Variants in PPP1R9A observed in about 807,000 individuals in gnomAD.
The protein encoded by PPP1R9A is neurabin-1.
A neutral mutation model predicts 141.9 loss-of-function variants in PPP1R9A; 59 were observed. The ratio of observed to expected loss-of-function variants is 0.42; its 90% CI spans 0.34 to 0.52. PPP1R9A has a LOEUF of 0.52. PPP1R9A is among the 20% of genes least tolerant of loss of function. The pLI is 0.10. For missense variants in PPP1R9A, 1,444 were observed against 1,611.9 expected (o/e 0.90, Z 1.78); for synonymous variants, 500 against 569.7 (o/e 0.88, Z 1.74).
intron 2 of PPP1R9A, among the ~76,000 whole-genome samples, chr7:95,070,914 A>G (rs974547063): frequency 4.7e-4 from 71 of 151,988 alleles, no homozygotes; most frequent in Non-Finnish European, 7.7e-4. Flanking sequence ...TTGAACACCA[A>G]GAGAGGCAGG....
intron 12 of PPP1R9A, among the ~76,000 whole-genome samples, chr7:95,268,070 A>G (rs1323561742): frequency 6.6e-6 from 1 of 152,128 alleles, no homozygotes. Context: ...ATGATATAGT[A>G]CCTGAAGACT....
intron 2 of PPP1R9A, among the ~76,000 whole-genome samples, chr7:94,952,965 G>A (rs576635982): frequency 6.6e-6 from 1 of 152,260 alleles, no homozygotes; most frequent in South Asian, 2.1e-4. Context: ...AGTTTAACTG[G>A]AGCCCATTTG....
At chr7:94,963,251 T>G (rs1797831227) in intron 2 of PPP1R9A, among the ~76,000 whole-genome samples, 2 of 152,184 alleles carry the variant, frequency 1.3e-5, no homozygotes, top group African/African-American at 4.8e-5. Context: ...CACACTTAAC[T>G]TGGATTGGTG....
intron 5 of PPP1R9A, among the ~76,000 whole-genome samples, chr7:95,187,087 A>G (rs1834764887): frequency 6.6e-6 from 1 of 152,114 alleles, no homozygotes; most frequent in Non-Finnish European, 1.5e-5. Context: ...AAAGGTTGGT[A>G]CCAATTATTC....
intron 4 of PPP1R9A, among the ~76,000 whole-genome samples, chr7:95,127,409 G>T (rs1349779633): frequency 6.6e-6 from 1 of 151,848 alleles, no homozygotes; most frequent in Non-Finnish European, 1.5e-5. Context: ...TCTGATCTCT[G>T]AATGCAAAGA....
chr7:94,963,591 A>T (rs144173012), intron 2 of PPP1R9A, among the ~76,000 whole-genome samples: 8 of 152,254 alleles, frequency 5.3e-5, no homozygotes, highest in African/African-American at 1.7e-4. Context: ...CAATGTTTTC[A>T]TCCATGTTGT....
intron 2 of PPP1R9A, among the ~76,000 whole-genome samples, chr7:95,107,848 C>T (rs1819778168): frequency 6.6e-6 from 1 of 151,968 alleles, no homozygotes; most frequent in South Asian, 2.1e-4. Context: ...CTGATATTTA[C>T]AGTTATTTAG....
At chr7:95,023,817 G>A (rs760162562) in intron 2 of PPP1R9A, among the ~76,000 whole-genome samples, 1 of 152,196 alleles carries the variant, frequency 6.6e-6, no homozygotes, top group Non-Finnish European at 1.5e-5. Flanking sequence ...CTCCCAAAGT[G>A]TTGGGATTAC....
At chr7:94,916,460 A>T (rs1792093475) in intron 2 of PPP1R9A, among the ~76,000 whole-genome samples, 1 of 152,168 alleles carries the variant, frequency 6.6e-6, no homozygotes, top group Non-Finnish European at 1.5e-5. Flanking sequence ...ACATGTAATA[A>T]ATTTCCTTTC....
chr7:94,979,465 A>C (rs996900962), intron 2 of PPP1R9A, among the ~76,000 whole-genome samples: 1 of 152,344 alleles, frequency 6.6e-6, no homozygotes, highest in Non-Finnish European at 1.5e-5. Flanking sequence ...AAAGATAATA[A>C]GCACTAATGT....
chr7:95,141,724 A>G (rs371429406), intron 4 of PPP1R9A, among the ~76,000 whole-genome samples: 1 of 152,154 alleles, frequency 6.6e-6, no homozygotes, highest in Non-Finnish European at 1.5e-5. Context: ...ATTGCAAAAT[A>G]ATATTCCATT....
intron 2 of PPP1R9A, among the ~76,000 whole-genome samples, chr7:95,078,216 T>G (rs1403319533): frequency 6.8e-6 from 1 of 147,830 alleles, no homozygotes; most frequent in African/African-American, 2.5e-5. Context: ...CACCTATGAG[T>G]GAGAATATGC....
intron 2 of PPP1R9A, among the ~76,000 whole-genome samples, chr7:95,011,349 C>G (rs947977325): frequency 6.6e-6 from 1 of 152,108 alleles, no homozygotes; most frequent in African/African-American, 2.4e-5. Flanking sequence ...TCTTGGCAGA[C>G]TGTGCTCTGT....
chr7:95,276,131 G>A (rs1306447099), intron 16 of PPP1R9A, among the ~76,000 whole-genome samples: 1 of 152,088 alleles, frequency 6.6e-6, no homozygotes, highest in East Asian at 1.9e-4. Context: ...TGATGGGAGA[G>A]AAACTCAGAT....
At chr7:95,021,821 T>A (rs996302698) in intron 2 of PPP1R9A, among the ~76,000 whole-genome samples, 1 of 152,196 alleles carries the variant, frequency 6.6e-6, no homozygotes, top group African/African-American at 2.4e-5. Flanking sequence ...TCTGTTCCGT[T>A]GGTCTATATC....
intron 2 of PPP1R9A, among the ~76,000 whole-genome samples, chr7:94,951,495 T>C (rs1274381922): frequency 6.6e-6 from 1 of 152,156 alleles, no homozygotes; most frequent in Non-Finnish European, 1.5e-5. Flanking sequence ...TATATAGATA[T>C]AATCATATAA....
chr7:95,189,224 C>T (rs1463786517), intron 5 of PPP1R9A, among the ~76,000 whole-genome samples: 3 of 152,156 alleles, frequency 2.0e-5, no homozygotes, highest in East Asian at 1.9e-4. Context: ...GCTTTTGCCT[C>T]GCAGCTCTTA....
chr7:94,940,657 A>G (rs1028129845), intron 2 of PPP1R9A, among the ~76,000 whole-genome samples: 14 of 151,984 alleles, frequency 9.2e-5, no homozygotes, highest in African/African-American at 3.4e-4. Flanking sequence ...ATCCCTCTAA[A>G]TGTCTTCATC....
chr7:95,030,820 G>A (rs569082345), intron 2 of PPP1R9A, among the ~76,000 whole-genome samples: 4 of 152,252 alleles, frequency 2.6e-5, no homozygotes, highest in East Asian at 1.9e-4. Context: ...CCCACATAGC[G>A]TTTACCCAAG....
Sources: allele counts gnomAD v4.1 joint callset (sites outside exome capture counted in the v4.1 genomes callset), GRCh38; gene constraint gnomAD v4.1.1; transcripts MANE v1.5; gene names NCBI Gene and HGNC (gene_info 2026-07-23, HGNC 2026-07-21).